Variants in LMO4 observed in about 807,000 individuals in gnomAD.
The protein encoded by LMO4 is LIM domain transcription factor LMO4.
In LMO4, 3 loss-of-function variants were observed where a neutral mutation model predicts 18.5. The observed-to-expected ratio is 0.16, with a 90% CI of 0.07 to 0.42. The LOEUF is 0.42. Ranked by LOEUF, LMO4 falls within the 10% of genes least tolerant of loss-of-function variation. The pLI is 0.99. For synonymous variants in LMO4, 100 were observed against 88.1 expected (o/e 1.14, Z -0.76); for missense variants, 121 against 219.9 (o/e 0.55, Z 2.84).
At chr1:87,336,647 C>G (rs956974809) in intron 2 of LMO4, among the ~76,000 whole-genome samples, 1 of 152,174 alleles carries the variant, frequency 6.6e-6, no homozygotes, top group African/African-American at 2.4e-5. Flanking sequence ...TCCGTTTTCC[C>G]TGTATAAGGA....
chr1:87,339,668 A>G (rs1650417256), intron 3 of LMO4, 36 bp downstream of exon 3: 1 of 1,377,150 alleles, frequency 7.3e-7, no homozygotes, highest in African/African-American at 1.4e-5. Flanking sequence ...TTTAAAAAAA[A>G]AATCATACCT....
At chr1:87,329,771 C>CA (rs1330870362) in intron 1 of LMO4, among the ~76,000 whole-genome samples, 2 of 152,140 alleles carry the variant, frequency 1.3e-5, no homozygotes, top group Non-Finnish European at 2.9e-5. Context: ...TACGGTGAAT[C>CA]ACCTAATTAA....
intron 2 of LMO4, among the ~76,000 whole-genome samples, chr1:87,338,806 C>G (rs1007821156): frequency 6.6e-6 from 1 of 152,180 alleles, no homozygotes; most frequent in Admixed American, 6.5e-5. Flanking sequence ...CGGTAAATTA[C>G]TTTCTGCTCA....
In LMO4 at chr1:87,348,841, C is replaced by G; in HGVS notation, c.*4045C>G. On this transcript the variant is annotated 3_prime_UTR_variant, in exon 5 of 5. Coordinates refer to ENST00000370544, the MANE Select transcript of LMO4 (RefSeq NM_006769.4). ...GAGGCCTCAAGCCAATAATGTACTA[C>G]AGGCCCTGACATGTTACAGCTGTGT... The G allele has an allele frequency of 2.1e-6, 1 of 473,606 alleles. No individual in the cohort carries two copies. Among genetic ancestry groups the G allele is most frequent in the South Asian group, 1.5e-5 (1 of 66,100 alleles). The allele number at this position is 473,606 out of a possible 1,614,324, so 29.3% of individuals were successfully genotyped here. A position where few individuals can be genotyped will look rare whatever the true frequency, so the allele number is the denominator to read the frequency against.
rs1650657775 is a variant in LMO4, at chr1:87,347,122, A to C, written c.*2326A>C. The C allele has an allele frequency of 6.6e-6, 1 of 152,216 alleles. No individual in the cohort carries two copies. The highest frequency in any genetic ancestry group is 1.5e-5 in the Non-Finnish European group (1 of 68,042). The allele number at this position is 152,216 out of a possible 1,614,324, so 9.4% of individuals were successfully genotyped here. A position where few individuals can be genotyped will look rare whatever the true frequency, so the allele number is the denominator to read the frequency against. On this transcript the variant is annotated 3_prime_UTR_variant, in exon 5 of 5. Coordinates refer to ENST00000370544, the MANE Select transcript of LMO4 (RefSeq NM_006769.4). ...GTTCCTCAAGCACTGCTGCGTATTT[A>C]ATAATGAGCTTCTAAAAGCATTTCT...
In LMO4 at chr1:87,347,363, GCT is replaced by G. The variant is rs754355874; in HGVS notation, c.*2570_*2571del. ...AATAAAACCCGGCTCTAATGGGGAT[GCT>G]CTGTGTGGATAGAAAGCTACTAAAA... On this transcript the variant is annotated 3_prime_UTR_variant, in exon 5 of 5. Transcript: ENST00000370544. 10 of 152,136 alleles carry G rather than the reference GCT, an allele frequency of 6.6e-5. No individual in the cohort carries two copies. Among genetic ancestry groups the G allele is most frequent in the Non-Finnish European group, 1.0e-4 (7 of 68,036 alleles). The allele number at this position is 152,136 out of a possible 1,614,324, so 9.4% of individuals were successfully genotyped here. A position where few individuals can be genotyped will look rare whatever the true frequency, so the allele number is the denominator to read the frequency against.
chr1:87,341,594 C>A lies in LMO4; in HGVS notation c.489+1392C>A, dbSNP rs149963799. On this transcript the variant is annotated intron_variant, in intron 4 of 4. Coordinates refer to ENST00000370544, the MANE Select transcript of LMO4 (RefSeq NM_006769.4). ...TTGACAAATATTTGAAAACTTTTAA[C>A]CATTAAAATTATGCTGCCATATTTT... 3.7e-3 allele frequency among the ~76,000 whole-genome samples: 562 copies of A among 152,162 alleles called. 6 individuals are homozygous for A. The highest frequency in any genetic ancestry group is 9.6e-3 in the African/African-American group (400 of 41,516).
At chr1:87,330,726 C>G (rs762541475) in intron 1 of LMO4, among the ~76,000 whole-genome samples, 3 of 152,060 alleles carry the variant, frequency 2.0e-5, no homozygotes, top group Admixed American at 2.0e-4. Context: ...AGCAGATAGC[C>G]GGGAGCCTCA....
In LMO4 at chr1:87,348,584, A is replaced by T; in HGVS notation, c.*3788A>T. On this transcript the variant is annotated 3_prime_UTR_variant, in exon 5 of 5. Coordinates refer to ENST00000370544, the MANE Select transcript of LMO4 (RefSeq NM_006769.4). The stretch of plus-strand genomic sequence containing the variant: ...GCAGCAAAGTGTAGCACATTCGCCG[A>T]TGCTGGGTACCTAGTTAAAGAGGCA... 1 of 423,924 alleles carries T rather than the reference A, an allele frequency of 2.4e-6. No individual in the cohort carries two copies. Among genetic ancestry groups the T allele is most frequent in the Non-Finnish European group, 4.8e-6 (1 of 208,560 alleles). 26.3% of individuals were successfully genotyped at this position (423,924 alleles called of 1,614,324 possible). A position where few individuals can be genotyped will look rare whatever the true frequency, so the allele number is the denominator to read the frequency against.
At chr1:87,329,684 A>C (rs1650074493) in intron 1 of LMO4, among the ~76,000 whole-genome samples, 1 of 152,162 alleles carries the variant, frequency 6.6e-6, no homozygotes, top group African/African-American at 2.4e-5. Context: ...GATCTAAGTG[A>C]GCAGGATTCG....
In LMO4 at chr1:87,344,948, C is replaced by T. The variant is rs1201627995; in HGVS notation, c.*152C>T. The T allele has an allele frequency of 1.0e-5, 7 of 679,956 alleles. No homozygotes were observed. The highest frequency in any genetic ancestry group is 5.0e-4 in the Middle Eastern group (2 of 4,036). The allele number at this position is 679,956 out of a possible 1,614,324, so 42.1% of individuals were successfully genotyped here. The stretch of plus-strand genomic sequence containing the variant: ...CTTCTTTAGTCTTGATTGCCCTTCC[C>T]GCATTTATTGGTGTATTAAAATGAC... On this transcript the variant is annotated 3_prime_UTR_variant, in exon 5 of 5. Transcript: ENST00000370544.
In LMO4 at chr1:87,338,447, A is replaced by G. The variant is rs533504598; in HGVS notation, c.237-1089A>G. On this transcript the variant is annotated intron_variant, in intron 2 of 4. Transcript: ENST00000370544. ...GATTCTGCTTACTTGTTCCGACACC[A>G]CCTTTCAATGTGAAATCATTTTGGT... Among the ~76,000 whole-genome samples, 264 of 152,302 alleles carry G rather than the reference A, an allele frequency of 1.7e-3. 2 individuals carry two copies. The highest frequency in any genetic ancestry group is 5.9e-3 in the African/African-American group (247 of 41,548).
intron 2 of LMO4, among the ~76,000 whole-genome samples, chr1:87,338,247 A>G (rs187522863): frequency 1.8e-4 from 27 of 152,352 alleles, no homozygotes; most frequent in Admixed American, 1.2e-3. Context: ...GCATGCTGCA[A>G]TCATTCAGAT....
At chr1:87,343,592 T>A (rs76894066) in intron 4 of LMO4, among the ~76,000 whole-genome samples, 1 of 152,148 alleles carries the variant, frequency 6.6e-6, no homozygotes, top group Non-Finnish European at 1.5e-5. Context: ...GGAGGAAAAT[T>A]TAGTGAGTGT....
chr1:87,332,132 G>A lies in LMO4; in HGVS notation c.117G>A (p.Met39Ile). The change falls in exon 2 of 5, where the codon ATG becomes ATA. Residue 39 changes from methionine to isoleucine, a missense_variant. By Grantham distance (10) the Met-to-Ile change is conservative. Around this residue, in one of 4 missense-constraint regions of LMO4, gnomAD observed 51 missense variants for 56.8 expected, o/e 0.90. Coordinates refer to ENST00000370544, the MANE Select transcript of LMO4 (RefSeq NM_006769.4). Reference protein sequence around the residue: ...KIADRFLLYAMDSYWHSRCLK... With the variant: ...KIADRFLLYAIDSYWHSRCLK... ...CGGACCGCTTTCTGCTCTATGCCAT[G>A]GACAGCTATTGGCACAGCCGGTGCC... 6.2e-7 allele frequency: 1 copy of A among 1,614,158 alleles called. No individual in the cohort carries two copies. Among genetic ancestry groups the A allele is most frequent in the Non-Finnish European group, 8.5e-7 (1 of 1,180,000 alleles).
At position 87,348,279 on chromosome 1, in the gene LMO4, AC is replaced by A. The variant is rs1219448851; in HGVS notation, c.*3485del. 1.2e-5 allele frequency: 2 copies of A among 169,416 alleles called. No individual in the cohort carries two copies. Among genetic ancestry groups the A allele is most frequent in the Non-Finnish European group, 2.6e-5 (2 of 77,630 alleles). 10.5% of individuals were successfully genotyped at this position (169,416 alleles called of 1,614,324 possible). ...CACCCCAAAGACCCCTTCACCCTTCACCAGGGAATTCTATCCTGGGTGCTGT... is the reference window on the plus strand; with the variant it reads ...CACCCCAAAGACCCCTTCACCCTTCACAGGGAATTCTATCCTGGGTGCTGT... On this transcript the variant is annotated 3_prime_UTR_variant, in exon 5 of 5. Coordinates refer to ENST00000370544, the MANE Select transcript of LMO4 (RefSeq NM_006769.4).
At chr1:87,344,651 T>G in intron 4 of LMO4, 137 bp from the exon 5 acceptor site, 1 of 826,532 alleles carries the variant, frequency 1.2e-6, no homozygotes, top group Non-Finnish European at 2.0e-6. Flanking sequence ...ATAGAAAGCC[T>G]CTATCAAGTC....
At chr1:87,329,712 A>T (rs1316813601) in intron 1 of LMO4, among the ~76,000 whole-genome samples, 1 of 152,160 alleles carries the variant, frequency 6.6e-6, no homozygotes, top group Non-Finnish European at 1.5e-5. Context: ...TGGTTCTTTT[A>T]AAAAAATTCT....
Position 87,340,084 on chromosome 1 carries a change from C to T in LMO4, c.371C>T (p.Pro124Leu), listed in dbSNP as rs754509420. ...TCSTCRNRLV[P>L]GDRFHYINGS... The stretch of plus-strand genomic sequence containing the variant: ...TCTACCTGCCGGAATCGCCTGGTCC[C>T]GGGAGATCGGTTTCACTACATCAAT... The change falls in exon 4 of 5, where the codon CCG becomes CTG. Residue 124 changes from proline (P) to leucine (L), a missense_variant. Physicochemically the swap from Pro to Leu is moderately conservative, Grantham distance 98. Transcript: ENST00000370544. The T allele has an allele frequency of 1.2e-6, 2 of 1,614,064 alleles. No homozygotes were observed. The highest frequency in any genetic ancestry group is 1.7e-5 in the Admixed American group (1 of 60,016).
Sources: gnomAD v4.1 joint callset for allele counts (sites outside exome capture counted in the v4.1 genomes callset) on GRCh38, gnomAD v4.1.1 for gene constraint, gnomAD v4.1.1 regional missense constraint, MANE v1.5 for transcripts, NCBI Gene and HGNC (gene_info 2026-07-23, HGNC 2026-07-21) for gene names.